The following TOP1 variants were observed in gnomAD, a reference collection of about 807,000 sequenced individuals.
TOP1 encodes DNA topoisomerase 1.
Under a neutral mutation model 111.1 loss-of-function variants are expected in TOP1, and 10 were observed. The observed-to-expected ratio is 0.09, with a 90% CI of 0.06 to 0.15. The LOEUF is 0.15. Among genes scored for constraint, TOP1 ranks in the 10% least tolerant of loss-of-function variants. The probability of loss-of-function intolerance (pLI) is 1.00; values close to 1 mark genes in which losing one functional copy is unlikely to be tolerated. For synonymous variants in TOP1, 271 were observed against 302.9 expected (o/e 0.89, Z 1.10); for missense variants, 474 against 926.7 (o/e 0.51, Z 6.34).
Position 41,097,881 on chromosome 20 carries a change from G to A in TOP1, c.853-334G>A, listed in dbSNP as rs531223721. ...GACTTAATAAATGAATAGAATAGGG[G>A]TAATGTTTCCAAGAGAGAATCAGTA... On this transcript the variant is annotated intron_variant, in intron 10 of 20. Transcript: ENST00000361337. This position sits in a 1 kb window ranked among gnomAD's most constrained non-coding sequence, Gnocchi z 4.2. Among the ~76,000 whole-genome samples, 59 of 152,274 alleles carry A rather than the reference G, an allele frequency of 3.9e-4. No individual in the cohort carries two copies. Among genetic ancestry groups the A allele is most frequent in the Middle Eastern group, 3.4e-3 (1 of 294 alleles).
Position 41,114,545 on chromosome 20 carries a change from T to C in TOP1, c.1638+390T>C, listed in dbSNP as rs1209368774. On this transcript the variant is annotated intron_variant, in intron 15 of 20. Coordinates refer to ENST00000361337, the MANE Select transcript of TOP1 (RefSeq NM_003286.4). This position sits in a 1 kb window ranked among gnomAD's most constrained non-coding sequence, Gnocchi z 4.5. ...GCTACCTTCCTGGTAAGGAGTGGCC[T>C]TCTCCTATAGCAGTATTCAATGGAG... Among the ~76,000 whole-genome samples the C allele has an allele frequency of 1.3e-5, 2 of 152,262 alleles. No individual in the cohort carries two copies. Among genetic ancestry groups the C allele is most frequent in the Non-Finnish European group, 2.9e-5 (2 of 68,042 alleles).
At chr20:41,113,743 C>T (rs1295358211) in intron 14 of TOP1, among the ~76,000 whole-genome samples, 3 of 148,496 alleles carry the variant, frequency 2.0e-5, no homozygotes, top group Non-Finnish European at 4.5e-5. Context: ...TAAAAATTGG[C>T]GTGGTGGCGG....
Position 41,101,670 on chromosome 20 carries a change from G to A in TOP1, c.1308+317G>A, listed in dbSNP as rs2034066293. ...AGGCCCTGCCTTCATATTGCTTAAC[G>A]TCCAGTGGTCAGAATGTGTTGAAGT... On this transcript the variant is annotated intron_variant, in intron 13 of 20. Transcript: ENST00000361337. The surrounding 1 kb of genome is among the most constrained non-coding windows in gnomAD (Gnocchi z 4.1). 6.6e-6 allele frequency among the ~76,000 whole-genome samples: 1 copy of A among 152,214 alleles called. No individual in the cohort carries two copies. The highest frequency in any genetic ancestry group is 1.5e-5 in the Non-Finnish European group (1 of 68,044).
chr20:41,054,999 A>C (rs2033453075), intron 2 of TOP1, among the ~76,000 whole-genome samples: 1 of 152,224 alleles, frequency 6.6e-6, no homozygotes, highest in Admixed American at 6.5e-5. Flanking sequence ...ATAGCAAAAG[A>C]TGTTGATTCC....
intron 11 of TOP1, 112 bp from the exon 12 acceptor site, chr20:41,099,944 G>T: frequency 3.0e-6 from 2 of 663,098 alleles, no homozygotes; most frequent in Non-Finnish European, 4.8e-6. Flanking sequence ...TTATTTTTTA[G>T]TGATTTTTCA....
In TOP1 at chr20:41,123,251, A is replaced by G. The variant is rs775509655; in HGVS notation, c.2252A>G (p.Lys751Arg). The change falls in exon 21 of 21, where the codon AAG becomes AGG. Residue 751 changes from lysine (K) to arginine (R), a missense_variant. Around this residue, in one of 14 missense-constraint regions of TOP1, gnomAD observed 26 missense variants for 81.8 expected, o/e 0.32. Coordinates refer to ENST00000361337, the MANE Select transcript of TOP1 (RefSeq NM_003286.4). The surrounding 1 kb of genome is among the most constrained non-coding windows in gnomAD (Gnocchi z 5.8). ...EKIYNKTQRE[K>R]FAWAIDMADE... is the part of the protein sequence containing the mutation. ...ATTTACAACAAAACCCAGCGGGAGA[A>G]GTTTGCCTGGGCCATTGACATGGCT... The G allele has an allele frequency of 2.5e-6, 4 of 1,614,054 alleles. No individual in the cohort carries two copies. Among genetic ancestry groups the G allele is most frequent in the South Asian group, 1.1e-5 (1 of 91,076 alleles).
Position 41,100,387 on chromosome 20 carries a change from G to C in TOP1, c.1163+144G>C, listed in dbSNP as rs2034043488. 1.6e-6 allele frequency: 1 copy of C among 620,856 alleles called. No individual in the cohort carries two copies. The highest frequency in any genetic ancestry group is 1.8e-5 in the African/African-American group (1 of 54,684). The allele number at this position is 620,856 out of a possible 1,614,324, so 38.5% of individuals were successfully genotyped here. A position where few individuals can be genotyped will look rare whatever the true frequency, so the allele number is the denominator to read the frequency against. On this transcript the variant is annotated intron_variant, in intron 12 of 20. Coordinates refer to ENST00000361337, the MANE Select transcript of TOP1 (RefSeq NM_003286.4). This position sits in a 1 kb window ranked among gnomAD's most constrained non-coding sequence, Gnocchi z 4.4. ...ACAGTATTTCATGCGTAGGTCTCCA[G>C]ATGTTTTTGAGGTACAGTTGTCTCC... is the stretch of plus-strand genomic sequence containing the variant.
rs1255280320 is a variant in TOP1 at position 41,121,635 on chromosome 20, T to C, written c.1951-61T>C. 5 of 1,348,806 alleles carry C rather than the reference T, an allele frequency of 3.7e-6. No individual in the cohort carries two copies. The highest frequency in any genetic ancestry group is 4.3e-6 in the Non-Finnish European group (4 of 939,504). 83.6% of individuals were successfully genotyped at this position (1,348,806 alleles called of 1,614,324 possible). On this transcript the variant is annotated intron_variant, in intron 18 of 20. Coordinates refer to ENST00000361337, the MANE Select transcript of TOP1 (RefSeq NM_003286.4). The surrounding 1 kb of genome is among the most constrained non-coding windows in gnomAD (Gnocchi z 4.2). ...GTCCAGATAACATCTTGGTTTCACC[T>C]TCTCAGGTGGAGCCATTTTTCCTCT...
Position 41,032,373 on chromosome 20 carries a change from T to C in TOP1, c.58+2918T>C, listed in dbSNP as rs1313527517. On this transcript the variant is annotated intron_variant, in intron 2 of 20. Coordinates refer to ENST00000361337, the MANE Select transcript of TOP1 (RefSeq NM_003286.4). The surrounding 1 kb of genome is among the most constrained non-coding windows in gnomAD (Gnocchi z 4.3). Reference sequence around the variant, plus strand: ...TTATTTATATTTAAAATGTTGACAGTGAGTTAGGAATTTGGAGCAGAAACC... The same window carrying C: ...TTATTTATATTTAAAATGTTGACAGCGAGTTAGGAATTTGGAGCAGAAACC... 6.6e-6 allele frequency among the ~76,000 whole-genome samples: 1 copy of C among 152,118 alleles called. No homozygotes were observed. The highest frequency in any genetic ancestry group is 1.5e-5 in the Non-Finnish European group (1 of 68,010).
chr20:41,076,882 C>T (rs750031078), intron 4 of TOP1, among the ~76,000 whole-genome samples: 12 of 152,144 alleles, frequency 7.9e-5, no homozygotes, highest in Non-Finnish European at 1.0e-4. Context: ...CAGAGGCAAC[C>T]GCTATACTGA....
At chr20:41,117,133 C>T (rs1477679013) in intron 17 of TOP1, among the ~76,000 whole-genome samples, 3 of 152,128 alleles carry the variant, frequency 2.0e-5, no homozygotes, top group Non-Finnish European at 4.4e-5. Flanking sequence ...AGGAGAATCA[C>T]TTGAACCCAG....
At chr20:41,041,284 CA>C (rs923300102) in intron 2 of TOP1, among the ~76,000 whole-genome samples, 2 of 151,486 alleles carry the variant, frequency 1.3e-5, no homozygotes, top group African/African-American at 2.4e-5. Flanking sequence ...CCCGTCTCTA[CA>C]AAAAAATAAC....
rs1419486347 is a variant in TOP1, at chr20:41,112,561, C to G, written c.1309-221C>G. 1.3e-5 allele frequency among the ~76,000 whole-genome samples: 2 copies of G among 152,244 alleles called. No individual in the cohort carries two copies. Among genetic ancestry groups the G allele is most frequent in the Admixed American group, 6.5e-5 (1 of 15,290 alleles). ...GTTTGCTTAAGGTCAAGTTCCTGCT[C>G]TTTTGTTCAAAGTCTTGCTTTGTCA... is the stretch of plus-strand genomic sequence containing the variant. On this transcript the variant is annotated intron_variant, in intron 13 of 20. Transcript: ENST00000361337. The surrounding 1 kb of genome is among the most constrained non-coding windows in gnomAD (Gnocchi z 5.8).
At position 41,034,418 on chromosome 20, in the gene TOP1, T is replaced by C. The variant is rs1445958200; in HGVS notation, c.58+4963T>C. 6.6e-6 allele frequency among the ~76,000 whole-genome samples: 1 copy of C among 152,096 alleles called. No homozygotes were observed. The highest frequency in any genetic ancestry group is 1.5e-5 in the Non-Finnish European group (1 of 68,018). On this transcript the variant is annotated intron_variant, in intron 2 of 20. Coordinates refer to ENST00000361337, the MANE Select transcript of TOP1 (RefSeq NM_003286.4). The surrounding 1 kb of genome is among the most constrained non-coding windows in gnomAD (Gnocchi z 4.0). ...ATTAGCATTTTGCCAACCCCCACCC[T>C]CCCTGCCACCTGCCTATCTAGATGT...
Position 41,046,698 on chromosome 20 carries a change from A to G in TOP1, c.59-14696A>G, listed in dbSNP as rs948639919. Among the ~76,000 whole-genome samples the G allele has an allele frequency of 4.6e-5, 7 of 152,260 alleles. No homozygotes were observed. The highest frequency in any genetic ancestry group is 1.7e-4 in the African/African-American group (7 of 41,472). ...TTCAAGAAAAAGGATCTTTTTGTTA[A>G]CTAAGGATTAACTAGAAACCTTATT... On this transcript the variant is annotated intron_variant, in intron 2 of 20. Coordinates refer to ENST00000361337, the MANE Select transcript of TOP1 (RefSeq NM_003286.4). This position sits in a 1 kb window ranked among gnomAD's most constrained non-coding sequence, Gnocchi z 4.3.
At position 41,067,412 on chromosome 20, in the gene TOP1, C is replaced by T. The variant is rs1004714018; in HGVS notation, c.155+5922C>T. ...GGGATTACAGGCTTGAGCCACCACA[C>T]CCGGCCTCCAGTAAAATTTTATATA... On this transcript the variant is annotated intron_variant, in intron 3 of 20. Transcript: ENST00000361337. This position sits in a 1 kb window ranked among gnomAD's most constrained non-coding sequence, Gnocchi z 4.0. 6.6e-6 allele frequency among the ~76,000 whole-genome samples: 1 copy of T among 152,212 alleles called. No individual in the cohort carries two copies. The highest frequency in any genetic ancestry group is 1.5e-5 in the Non-Finnish European group (1 of 68,040).
At chr20:41,072,813 C>G in intron 3 of TOP1, 1 of 985,416 alleles carries the variant, frequency 1.0e-6, no homozygotes, top group Non-Finnish European at 1.2e-6. Flanking sequence ...ATGTAATGCC[C>G]TGTAATAGAA....
rs992614642 is a variant in TOP1 at position 41,098,761 on chromosome 20, ATCC to A, written c.975+427_975+429del. 2 of 152,500 alleles carry A rather than the reference ATCC, an allele frequency of 1.3e-5. No homozygotes were observed. Among genetic ancestry groups the A allele is most frequent in the African/African-American group, 4.8e-5 (2 of 41,310 alleles). The allele number at this position is 152,500 out of a possible 1,614,324, so 9.4% of individuals were successfully genotyped here. On this transcript the variant is annotated intron_variant, in intron 11 of 20. Transcript: ENST00000361337. The surrounding 1 kb of genome is among the most constrained non-coding windows in gnomAD (Gnocchi z 5.7). ...CCATCTCCATCTTCCAGCCTTGGCCATCCTCATTACTGAAGGATCTTTCTGGTA... is the reference window on the plus strand; with the variant it reads ...CCATCTCCATCTTCCAGCCTTGGCCATCATTACTGAAGGATCTTTCTGGTA...
rs575688263 is a variant in TOP1 at position 41,067,445 on chromosome 20, A to G, written c.155+5955A>G. The stretch of plus-strand genomic sequence containing the variant: ...CCAGTAAAATTTTATATACACTGTG[A>G]TCCTTTTAAAGTACCTCTGATCTTT... On this transcript the variant is annotated intron_variant, in intron 3 of 20. Transcript: ENST00000361337. This position sits in a 1 kb window ranked among gnomAD's most constrained non-coding sequence, Gnocchi z 4.0. 3.9e-5 allele frequency among the ~76,000 whole-genome samples: 6 copies of G among 152,118 alleles called. No homozygotes were observed. The highest frequency in any genetic ancestry group is 7.4e-5 in the Non-Finnish European group (5 of 68,016).
Sources: allele counts gnomAD v4.1 joint callset (sites outside exome capture counted in the v4.1 genomes callset), GRCh38; gene constraint gnomAD v4.1.1; regional missense constraint gnomAD v4.1.1; non-coding constraint Gnocchi (gnomAD v3.1); transcripts MANE v1.5; gene names NCBI Gene and HGNC (gene_info 2026-07-23, HGNC 2026-07-21).